Variants in TEP1 observed in about 807,000 individuals in gnomAD.
TEP1 encodes the protein telomerase associated protein 1, also known as telomerase protein component 1.
TEP1 carries 241 observed loss-of-function variants against 306.3 expected under a neutral mutation model. The ratio of observed to expected loss-of-function variants is 0.79; its 90% CI spans 0.71 to 0.88. TEP1 has a LOEUF of 0.88. TEP1 is among the 40% of genes least tolerant of loss of function. The probability of loss-of-function intolerance (pLI) is 0.00; values close to 1 mark genes in which losing one functional copy is unlikely to be tolerated. For missense variants in TEP1, 3,051 were observed against 3,276.1 expected, an observed-to-expected ratio of 0.93 and a Z score of 1.68; for synonymous variants, 1,289 against 1,305.5, an observed-to-expected ratio of 0.99 and a Z score of 0.27.
At chr14:20,390,622 T>C in intron 15 of TEP1, 59 bp downstream of exon 15, 2 of 1,516,362 alleles carry the variant, frequency 1.3e-6, no homozygotes, top group Admixed American at 1.7e-5. Context: ...AAATGAAATA[T>C]ATCAGTTGCA....
At chr14:20,376,335 A>T (rs762496456) in intron 41 of TEP1, 71 bp from the exon 42 acceptor site, 225 of 1,520,398 alleles carry the variant, frequency 1.5e-4, no homozygotes, top group Non-Finnish European at 1.6e-4. Flanking sequence ...GAGGCCAAAG[A>T]CAGGAGCGGC....
At chr14:20,389,412 G>A in intron 16 of TEP1, 115 bp from the exon 17 acceptor site, 2 of 1,435,690 alleles carry the variant, frequency 1.4e-6, no homozygotes, top group Non-Finnish European at 2.0e-6. Flanking sequence ...AGGGTTATGT[G>A]GTAGGCTAGG....
chr14:20,403,486 C>A (rs8009925), intron 6 of TEP1, 38 bp from the exon 7 acceptor site: 606,001 of 1,612,506 alleles, frequency 0.38, 114,489 homozygotes, highest in Admixed American at 0.39. Flanking sequence ...AAAAAGGGAA[C>A]TGGCTGTCCT....
rs569458985 is a variant in TEP1 at position 20,395,418 on chromosome 14, C to T, written c.1928+32G>A. 7.9e-5 allele frequency: 121 copies of T among 1,531,746 alleles called. 2 individuals carry two copies. In the South Asian group the frequency reaches 1.5e-3, roughly 19 times the overall value. 94.9% of individuals were successfully genotyped at this position (1,531,746 alleles called of 1,614,324 possible). On this transcript the variant is annotated intron_variant, in intron 12 of 54. Transcript: ENST00000262715. ...CCTGTGCCAGGGTAGCCCCGATTGC[C>T]CACCCTTGGCTCCCAGACAGTGCAT...
rs754364692 is a variant in TEP1 at position 20,403,878 on chromosome 14, C to A, written c.1039G>T (p.Ala347Ser). 6 of 1,614,092 alleles carry A rather than the reference C, an allele frequency of 3.7e-6. No homozygotes were observed. Among genetic ancestry groups the A allele is most frequent in the Non-Finnish European group, 4.2e-6 (5 of 1,180,016 alleles). ...ACCAGCTTATTCTTATCTCCCTCAG[C>A]CAGGCTCTGTCAAAGAGAGAGGAGA... The part of the protein sequence containing the change: ...IQVAELYQSL[A>S]EGDKNKLVPL... Residue 347 changes from alanine (A) to serine (S), a missense_variant, in exon 6 of 55, where the codon GCT becomes TCT. Transcript: ENST00000262715.
Position 20,383,188 on chromosome 14 carries a change from G to GT in TEP1, c.4032dup (p.Pro1345ThrfsTer3). The GT allele has an allele frequency of 6.2e-7, 1 of 1,602,442 alleles. No individual in the cohort carries two copies. Among genetic ancestry groups the GT allele is most frequent in the Non-Finnish European group, 8.5e-7 (1 of 1,174,912 alleles). On this transcript the variant is annotated frameshift_variant, in exon 27 of 55. Transcript: ENST00000262715. LOFTEE classifies it high-confidence loss of function. ...TAGAACCCAACCTGGTTGTTAAATG[G>GT]TGACTCCTCCAGCCGCTTCCCGTAC...
rs144150517 is a variant in TEP1, at chr14:20,381,030, G to C, written c.4663C>G (p.Arg1555Gly). 3,507 of 1,614,056 alleles carry C rather than the reference G, an allele frequency of 2.2e-3. 5 individuals are homozygous for C. Among genetic ancestry groups the C allele is most frequent in the Non-Finnish European group, 2.8e-3 (3,269 of 1,179,920 alleles). ...LPYHLLQSGN[R>G]GLLSKFLTNL... Reference sequence around the variant, plus strand: ...GTAAGGAACTTCGAAAGAAGTCCACGGTTCCCGCTCTGGAGCTGAGAAGGT... The same window carrying C: ...GTAAGGAACTTCGAAAGAAGTCCACCGTTCCCGCTCTGGAGCTGAGAAGGT... The change falls in exon 33 of 55, where the codon CGT (arginine) becomes GGT (glycine). Residue 1555 changes from arginine to glycine, a missense_variant. Transcript: ENST00000262715. The surrounding 1 kb of genome is among the most constrained non-coding windows in gnomAD (Gnocchi z 4.0).
chr14:20,383,302 G>T lies in TEP1; in HGVS notation c.3919C>A (p.Leu1307Ile). Reference protein sequence around the residue: ...VSSDAGLGETLEQSQGAHVLA... With the variant: ...VSSDAGLGETIEQSQGAHVLA... ...ACGTGGGCACCCTGGCTCTGCTCAA[G>T]GGTCTCCCCTAGGCCTGCATCACTA... Residue 1307 changes from leucine (L) to isoleucine (I), a missense_variant, in exon 27 of 55, where the codon CTT becomes ATT. By Grantham distance (5) the Leu-to-Ile change is conservative. Around this residue, in one of 3 missense-constraint regions of TEP1, gnomAD observed 1,540 missense variants for 1,705.9 expected, o/e 0.90. Coordinates refer to ENST00000262715, the MANE Select transcript of TEP1 (RefSeq NM_007110.5). 6.2e-7 allele frequency: 1 copy of T among 1,612,376 alleles called. No individual in the cohort carries two copies. The highest frequency in any genetic ancestry group is 2.2e-5 in the East Asian group (1 of 44,830).
Position 20,381,435 on chromosome 14 carries a change from T to C in TEP1, c.4559-34A>G. The C allele has an allele frequency of 6.2e-7, 1 of 1,613,588 alleles. No individual in the cohort carries two copies. Among genetic ancestry groups the C allele is most frequent in the Non-Finnish European group, 8.5e-7 (1 of 1,179,902 alleles). On this transcript the variant is annotated intron_variant, in intron 31 of 54. Coordinates refer to ENST00000262715, the MANE Select transcript of TEP1 (RefSeq NM_007110.5). The surrounding 1 kb of genome is among the most constrained non-coding windows in gnomAD (Gnocchi z 4.0). The stretch of plus-strand genomic sequence containing the variant: ...ACAGATATTGAGAAAGGCTCAGCCC[T>C]GCATCATTCCCAAGGGCAGTAGGTG...
rs1343638163 is a variant in TEP1, at chr14:20,380,221, G to C, written c.5003+14C>G. On this transcript the variant is annotated intron_variant, in intron 34 of 54. Coordinates refer to ENST00000262715, the MANE Select transcript of TEP1 (RefSeq NM_007110.5). Reference sequence around the variant, plus strand: ...CTCTGGTGGGCTTACTAGGGTCTGGGGTCAAGGTCTTACCTTTGCTGATTT... The same window carrying C: ...CTCTGGTGGGCTTACTAGGGTCTGGCGTCAAGGTCTTACCTTTGCTGATTT... The C allele has an allele frequency of 6.2e-7, 1 of 1,610,558 alleles. No individual in the cohort carries two copies. Among genetic ancestry groups the C allele is most frequent in the African/African-American group, 1.3e-5 (1 of 74,846 alleles).
chr14:20,395,478 T>A lies in TEP1; in HGVS notation c.1900A>T (p.Arg634Trp). ...RIPVLYEQLK[R>W]EKLRVHKARQ... is the part of the protein sequence containing the mutation. ...GCCTTGTGTACTCTCAGCTTCTCCC[T>A]CTTGAGCTGCTCATACAACACAGGT... Residue 634 changes from arginine (R) to tryptophan (W), a missense_variant, in exon 12 of 55, where the codon AGG becomes TGG. Physicochemically the swap from Arg to Trp is moderately radical, Grantham distance 101. This residue lies in a region of TEP1 where 1,507 missense variants were observed against 1,550.5 expected (regional missense o/e 0.97). Transcript: ENST00000262715. The A allele has an allele frequency of 6.2e-7, 1 of 1,607,742 alleles. No individual in the cohort carries two copies. The highest frequency in any genetic ancestry group is 8.5e-7 in the Non-Finnish European group (1 of 1,175,328).
chr14:20,395,890 A>G lies in TEP1; in HGVS notation c.1719T>C (p.Ile573=), dbSNP rs2228026. Reference sequence around the variant, plus strand: ...TTCTGAGTTGAGCCTCGAGGGCATCAATGGCATCATGGGCGTTAAGAAATC... The same window carrying G: ...TTCTGAGTTGAGCCTCGAGGGCATCGATGGCATCATGGGCGTTAAGAAATC... ...PFRFLNAHDA[I]DALEAQLRNQ... is the part of the protein sequence containing the mutation. Residue 573 remains isoleucine (I), a synonymous_variant, in exon 11 of 55, where the codon ATT becomes ATC. Coordinates refer to ENST00000262715, the MANE Select transcript of TEP1 (RefSeq NM_007110.5). The G allele has an allele frequency of 0.05, 80,481 of 1,613,912 alleles. 2,297 individuals are homozygous for G. Among genetic ancestry groups the G allele is most frequent in the South Asian group, 0.088 (8,035 of 91,042 alleles).
At position 20,413,398 on chromosome 14, in the gene TEP1, G is replaced by C. The variant is rs930899735; in HGVS notation, c.-25+7C>G. ...TAGACTGGGGCTGGAAACCCTGGGT[G>C]CCTGACCTGGGGCGTCCGATTCCCG... is the stretch of plus-strand genomic sequence containing the variant. On this transcript the variant is annotated splice_region_variant and intron_variant, in intron 1 of 54. Transcript: ENST00000262715. The C allele has an allele frequency of 2.0e-5, 3 of 152,338 alleles. No individual in the cohort carries two copies. The highest frequency in any genetic ancestry group is 7.2e-5 in the African/African-American group (3 of 41,438). The allele number at this position is 152,338 out of a possible 1,614,324, so 9.4% of individuals were successfully genotyped here. A position where few individuals can be genotyped will look rare whatever the true frequency, so the allele number is the denominator to read the frequency against.
intron 53 of TEP1, 104 bp from the exon 54 acceptor site, chr14:20,369,006 ATTTC>A (rs1884652270): frequency 3.8e-6 from 3 of 784,418 alleles, no homozygotes; most frequent in Non-Finnish European, 6.1e-6. Flanking sequence ...CTCCCTTAGT[ATTTC>A]TTTTTTTTTT....
chr14:20,372,282 ACTC>A (rs1210277950), intron 49 of TEP1, among the ~76,000 whole-genome samples: 1 of 151,364 alleles, frequency 6.6e-6, no homozygotes, highest in Non-Finnish European at 1.5e-5. Context: ...GGTCCAGAAA[ACTC>A]CTACTCATTC....
intron 41 of TEP1, among the ~76,000 whole-genome samples, 181 bp downstream of exon 41, chr14:20,377,099 C>T (rs1310075910): frequency 3.9e-5 from 6 of 152,026 alleles, no homozygotes; most frequent in African/African-American, 1.5e-4. Flanking sequence ...CCTGTAATCC[C>T]AGCTACTCGG....
At chr14:20,389,469 C>T in intron 16 of TEP1, 141 bp downstream of exon 16, 1 of 1,447,314 alleles carries the variant, frequency 6.9e-7, no homozygotes. Flanking sequence ...GCTAAAGTAT[C>T]CACCTGAAGT....
intron 6 of TEP1, 96 bp downstream of exon 6, chr14:20,403,626 TG>T: frequency 6.3e-7 from 1 of 1,594,904 alleles, no homozygotes. Context: ...TGACTCCCTT[TG>T]CTCCTGGTGT....
At chr14:20,406,653 C>T (rs753736105) in intron 2 of TEP1, among the ~76,000 whole-genome samples, 1 of 152,230 alleles carries the variant, frequency 6.6e-6, no homozygotes, top group African/African-American at 2.4e-5. Context: ...TTCATCTCTT[C>T]ATTGGCGTCA....
Sources: gnomAD v4.1 joint callset for allele counts (sites outside exome capture counted in the v4.1 genomes callset) on GRCh38, gnomAD v4.1.1 for gene constraint, gnomAD v4.1.1 regional missense constraint, Gnocchi (gnomAD v3.1) non-coding constraint, MANE v1.5 for transcripts, NCBI Gene and HGNC (gene_info 2026-07-23, HGNC 2026-07-21) for gene names.